RASGRP3: variants seen among roughly 807,000 people sequenced by gnomAD.
RASGRP3 encodes the protein ras guanyl-releasing protein 3.
In RASGRP3, 54 loss-of-function variants were observed where a neutral mutation model predicts 82.7. The observed-to-expected ratio is 0.65, with a 90% CI of 0.52 to 0.82. The LOEUF (loss-of-function observed/expected upper bound fraction) is 0.82, where lower values mean the gene tolerates loss of function less well. Among genes scored for constraint, RASGRP3 ranks in the 40% least tolerant of loss-of-function variants. The probability of loss-of-function intolerance (pLI) is 0.00; values close to 1 mark genes in which losing one functional copy is unlikely to be tolerated. For synonymous variants in RASGRP3, 309 were observed against 300.5 expected (o/e 1.03, Z -0.29); for missense variants, 861 against 828.9 (o/e 1.04, Z -0.48).
At chr2:33,498,023 C>G (rs1201807067) in intron 1 of RASGRP3, among the ~76,000 whole-genome samples, 1 of 146,386 alleles carries the variant, frequency 6.8e-6, no homozygotes, top group African/African-American at 2.5e-5. Flanking sequence ...TCCTTTCTCC[C>G]TTCTCTCTTT....
At chr2:33,537,731 G>C (rs1673801558) in intron 11 of RASGRP3, among the ~76,000 whole-genome samples, 1 of 152,166 alleles carries the variant, frequency 6.6e-6, no homozygotes, top group African/African-American at 2.4e-5. Flanking sequence ...CAAAAATGTT[G>C]ACATTTTATG....
upstream of RASGRP3, among the ~76,000 whole-genome samples, chr2:33,473,091 A>G (rs1029707522): frequency 1.4e-4 from 20 of 147,184 alleles, no homozygotes; most frequent in African/African-American, 3.2e-4. Flanking sequence ...GGCTGGGGGC[A>G]GTGGCTCACG....
intron 1 of RASGRP3, among the ~76,000 whole-genome samples, chr2:33,499,875 G>T (rs1669703343): frequency 6.6e-6 from 1 of 152,108 alleles, no homozygotes; most frequent in Non-Finnish European, 1.5e-5. Flanking sequence ...GTCATATAAA[G>T]ATATCAGGCA....
At chr2:33,478,951 A>G (rs949303326) in intron 1 of RASGRP3, among the ~76,000 whole-genome samples, 1 of 152,222 alleles carries the variant, frequency 6.6e-6, no homozygotes, top group Non-Finnish European at 1.5e-5. Flanking sequence ...TAGGAAACTG[A>G]GGTTCTTGAC....
Position 33,534,314 on chromosome 2 carries a change from T to C in RASGRP3, c.1084-9T>C. 1 of 1,536,292 alleles carries C rather than the reference T, an allele frequency of 6.5e-7. No homozygotes were observed. The highest frequency in any genetic ancestry group is 9.0e-7 in the Non-Finnish European group (1 of 1,111,910). On this transcript the variant is annotated splice_polypyrimidine_tract_variant and intron_variant, in intron 10 of 17. Transcript: ENST00000403687. Reference sequence around the variant, plus strand: ...TCCGACATTTTTATCCCTTCTAATTTTGTTGTAGCTTTCCCTGGACCTCTA... The same window carrying C: ...TCCGACATTTTTATCCCTTCTAATTCTGTTGTAGCTTTCCCTGGACCTCTA...
At chr2:33,485,155 G>A (rs568353291) in intron 1 of RASGRP3, among the ~76,000 whole-genome samples, 7 of 152,278 alleles carry the variant, frequency 4.6e-5, no homozygotes, top group African/African-American at 1.2e-4. Context: ...CCTAGATTGC[G>A]CCATTGCACT....
At chr2:33,441,365 G>C (rs1008325662) in intron 1 of RASGRP3, among the ~76,000 whole-genome samples, 17 of 151,954 alleles carry the variant, frequency 1.1e-4, no homozygotes, top group Non-Finnish European at 1.9e-4. Context: ...TTAGAAAAAG[G>C]TTATGCTGAA....
intron 2 of RASGRP3, among the ~76,000 whole-genome samples, chr2:33,449,910 C>G (rs1290992172): frequency 6.6e-6 from 1 of 152,128 alleles, no homozygotes; most frequent in African/African-American, 2.4e-5. Flanking sequence ...CATTCCAAAA[C>G]TAAGTGCCTT....
chr2:33,522,136 A>G (rs1672094916), intron 7 of RASGRP3, 34 bp downstream of exon 7: 1 of 1,579,750 alleles, frequency 6.3e-7, no homozygotes, highest in Admixed American at 1.9e-5. Flanking sequence ...TCCAAGGATA[A>G]CAACCACCAT....
At chr2:33,488,879 A>C (rs1301984273) in intron 1 of RASGRP3, among the ~76,000 whole-genome samples, 2 of 152,250 alleles carry the variant, frequency 1.3e-5, no homozygotes, top group Middle Eastern at 3.2e-3. Flanking sequence ...TGAAAAACTC[A>C]GTCAAATAGC....
intron 1 of RASGRP3, among the ~76,000 whole-genome samples, chr2:33,447,567 C>T (rs767817125): frequency 7.2e-5 from 11 of 152,020 alleles, no homozygotes; most frequent in Non-Finnish European, 1.6e-4. Context: ...TCCTGAGTAC[C>T]TGTGATTACA....
chr2:33,545,960 G>T (rs531171995), intron 13 of RASGRP3, among the ~76,000 whole-genome samples: 2 of 151,804 alleles, frequency 1.3e-5, no homozygotes, highest in Non-Finnish European at 2.9e-5. Flanking sequence ...GCACCACCAC[G>T]CCAGGCAATT....
chr2:33,555,328 G>C, intron 14 of RASGRP3: 1 of 417,074 alleles, frequency 2.4e-6, no homozygotes, highest in East Asian at 3.8e-5. Context: ...AGAAAGAAAA[G>C]GGAAAGGAAA....
intron 17 of RASGRP3, chr2:33,559,501 G>C (rs1312313168): frequency 1.5e-5 from 6 of 408,726 alleles, no homozygotes; most frequent in Non-Finnish European, 2.9e-5. Flanking sequence ...GGGGTGGTGA[G>C]AATCAGAGAT....
At chr2:33,523,454 A>T (rs1012323346) in intron 7 of RASGRP3, among the ~76,000 whole-genome samples, 1 of 118,020 alleles carries the variant, frequency 8.5e-6, no homozygotes, top group Non-Finnish European at 1.8e-5. Flanking sequence ...ATAGAGCGAC[A>T]GTCGGTTAAA....
chr2:33,488,815 A>G (rs1235060758), intron 1 of RASGRP3, among the ~76,000 whole-genome samples: 1 of 152,252 alleles, frequency 6.6e-6, no homozygotes, highest in Non-Finnish European at 1.5e-5. Flanking sequence ...TCTAAAAGAC[A>G]TGTTCATTCA....
chr2:33,548,644 C>T (rs1286350931), intron 13 of RASGRP3, among the ~76,000 whole-genome samples: 1 of 152,094 alleles, frequency 6.6e-6, no homozygotes, highest in Admixed American at 6.5e-5. Flanking sequence ...TGATCGCCAG[C>T]AAATGCTAAT....
intron 2 of RASGRP3, among the ~76,000 whole-genome samples, chr2:33,459,866 A>C (rs899418264): frequency 6.6e-6 from 1 of 152,134 alleles, no homozygotes; most frequent in Non-Finnish European, 1.5e-5. Flanking sequence ...GGCAGCCTTG[A>C]GTTCTCTCCA....
intron 14 of RASGRP3, chr2:33,555,251 C>A: frequency 3.7e-6 from 1 of 272,174 alleles, no homozygotes; most frequent in Admixed American, 5.1e-5. Context: ...TTGCTGAGAG[C>A]GCATCAGGCC....
Sources: gnomAD v4.1 joint callset for allele counts (sites outside exome capture counted in the v4.1 genomes callset) on GRCh38, gnomAD v4.1.1 for gene constraint, MANE v1.5 for transcripts, NCBI Gene and HGNC (gene_info 2026-07-23, HGNC 2026-07-21) for gene names.